Variants in GNA12 observed in about 807,000 individuals in gnomAD.
GNA12 encodes G protein subunit alpha 12, also known as guanine nucleotide-binding protein subunit alpha-12.
Under a neutral mutation model 26.0 loss-of-function variants are expected in GNA12, and 9 were observed. That is an observed-to-expected ratio of 0.35 (90% confidence interval 0.21 to 0.60). The LOEUF (loss-of-function observed/expected upper bound fraction) is 0.60, where lower values mean the gene tolerates loss of function less well. Ranked by LOEUF, GNA12 falls within the 20% of genes least tolerant of loss-of-function variation. The pLI, the probability that GNA12 is intolerant of heterozygous loss-of-function variation, is 0.78. For synonymous variants in GNA12, 264 were observed against 219.6 expected, an observed-to-expected ratio of 1.20 and a Z score of -1.79; for missense variants, 405 against 525.8, an observed-to-expected ratio of 0.77 and a Z score of 2.25.
At chr7:2,749,578 G>A (rs933197998) in intron 2 of GNA12, among the ~76,000 whole-genome samples, 7 of 151,970 alleles carry the variant, frequency 4.6e-5, no homozygotes, top group Admixed American at 1.3e-4. Flanking sequence ...GAGTTAATGG[G>A]TGCAGCACAC....
In GNA12 at chr7:2,735,238, C is replaced by G. The variant is rs537122062; in HGVS notation, c.526-1737G>C. Among the ~76,000 whole-genome samples the G allele has an allele frequency of 2.6e-5, 4 of 152,368 alleles. No individual in the cohort carries two copies. The South Asian group carries it at 8.3e-4, about 32-fold the overall frequency. On this transcript the variant is annotated intron_variant, in intron 2 of 3. Coordinates refer to ENST00000275364, the MANE Select transcript of GNA12 (RefSeq NM_007353.3). Reference sequence around the variant, plus strand: ...CAAGAAGCATCAGCATACTGTCCCTCCCTCTCCTGTGGCCACGGGCTCCCC... The same window carrying G: ...CAAGAAGCATCAGCATACTGTCCCTGCCTCTCCTGTGGCCACGGGCTCCCC...
chr7:2,750,850 G>C (rs962505208), intron 2 of GNA12, among the ~76,000 whole-genome samples: 1 of 152,192 alleles, frequency 6.6e-6, no homozygotes. Flanking sequence ...AAGTTTTAGA[G>C]TTATCAGCTT....
chr7:2,773,620 C>T (rs1792003270), intron 2 of GNA12, among the ~76,000 whole-genome samples: 1 of 152,122 alleles, frequency 6.6e-6, no homozygotes, highest in African/African-American at 2.4e-5. Context: ...ACCAGAATGG[C>T]TATTTGAAAA....
chr7:2,831,126 T>C lies in GNA12; in HGVS notation c.309+12727A>G, dbSNP rs113396603. 7.6e-3 allele frequency among the ~76,000 whole-genome samples: 1,150 copies of C among 152,128 alleles called. 16 individuals carry two copies. The highest frequency in any genetic ancestry group is 0.026 in the African/African-American group (1,082 of 41,470). ...AGATGATTACTTTTCATGAGGCATC[T>C]GCTTTAACTAGTGCGTTCCAGCAGT... On this transcript the variant is annotated intron_variant, in intron 1 of 3. Coordinates refer to ENST00000275364, the MANE Select transcript of GNA12 (RefSeq NM_007353.3).
At chr7:2,784,093 T>G (rs781480304) in intron 2 of GNA12, among the ~76,000 whole-genome samples, 1 of 152,238 alleles carries the variant, frequency 6.6e-6, no homozygotes, top group Non-Finnish European at 1.5e-5. Context: ...TTATCTCATT[T>G]TATTTAATTT....
intron 2 of GNA12, among the ~76,000 whole-genome samples, chr7:2,741,076 T>A (rs895615512): frequency 3.3e-5 from 5 of 149,624 alleles, no homozygotes; most frequent in African/African-American, 1.2e-4. Flanking sequence ...AAACAAATAA[T>A]CAAACAAAAA....
intron 2 of GNA12, among the ~76,000 whole-genome samples, chr7:2,752,030 C>T (rs978968358): frequency 4.6e-5 from 7 of 152,202 alleles, no homozygotes; most frequent in East Asian, 3.9e-4. Context: ...GTACCCACAC[C>T]GACAAGATTA....
At chr7:2,761,681 T>C (rs913285787) in intron 2 of GNA12, among the ~76,000 whole-genome samples, 2 of 152,164 alleles carry the variant, frequency 1.3e-5, no homozygotes, top group African/African-American at 2.4e-5. Flanking sequence ...TTTGCAGCTA[T>C]TGGTTCTCCT....
At chr7:2,781,350 A>G (rs1792222910) in intron 2 of GNA12, among the ~76,000 whole-genome samples, 1 of 151,806 alleles carries the variant, frequency 6.6e-6, no homozygotes, top group Non-Finnish European at 1.5e-5. Flanking sequence ...ACACACACGC[A>G]CACGTTAAAT....
At chr7:2,769,276 C>G (rs1371724044) in intron 2 of GNA12, among the ~76,000 whole-genome samples, 2 of 152,168 alleles carry the variant, frequency 1.3e-5, no homozygotes, top group Admixed American at 6.5e-5. Context: ...AACAGCATCA[C>G]TGGCAGGTAT....
chr7:2,765,654 A>G (rs1207071766), intron 2 of GNA12, among the ~76,000 whole-genome samples: 6 of 149,124 alleles, frequency 4.0e-5, no homozygotes, highest in Admixed American at 3.3e-4. Context: ...CTTTTGAGAC[A>G]GAGTCTCACT....
chr7:2,808,839 G>T (rs1489554767), intron 1 of GNA12, among the ~76,000 whole-genome samples: 2 of 152,152 alleles, frequency 1.3e-5, no homozygotes, highest in African/African-American at 4.8e-5. Context: ...CACCCGCTTT[G>T]TTCAAAACCC....
intron 2 of GNA12, among the ~76,000 whole-genome samples, chr7:2,779,813 G>C (rs568737856): frequency 6.6e-6 from 1 of 151,804 alleles, no homozygotes; most frequent in Non-Finnish European, 1.5e-5. Flanking sequence ...GGCCAGGCTA[G>C]TCTCAAACTC....
chr7:2,760,823 G>A (rs1370144439), intron 2 of GNA12, among the ~76,000 whole-genome samples: 1 of 152,214 alleles, frequency 6.6e-6, no homozygotes, highest in East Asian at 1.9e-4. Context: ...CAAGTCACCA[G>A]AGGTTAGCTT....
At chr7:2,772,744 A>T (rs1161893169) in intron 2 of GNA12, among the ~76,000 whole-genome samples, 6 of 152,206 alleles carry the variant, frequency 3.9e-5, no homozygotes, top group African/African-American at 1.4e-4. Context: ...CAGTACGGCC[A>T]GTTTGGAGAA....
chr7:2,828,907 C>A (rs1223037448), intron 1 of GNA12, among the ~76,000 whole-genome samples: 4 of 152,054 alleles, frequency 2.6e-5, no homozygotes, highest in African/African-American at 7.2e-5. Flanking sequence ...TTTTTCTCTA[C>A]AAAAATTTTT....
In GNA12 at chr7:2,744,913, GT is replaced by G. The variant is rs1352204705; in HGVS notation, c.526-11413del. Among the ~76,000 whole-genome samples, 3 of 152,156 alleles carry G rather than the reference GT, an allele frequency of 2.0e-5. No homozygotes were observed. The East Asian group carries it at 5.8e-4, about 29-fold the overall frequency. On this transcript the variant is annotated intron_variant, in intron 2 of 3. Coordinates refer to ENST00000275364, the MANE Select transcript of GNA12 (RefSeq NM_007353.3). ...CCGATGCGATGAACTGGAAGAAAGG[GT>G]ATAAGTGATGGAAGACAAAATGAAT...
intron 1 of GNA12, among the ~76,000 whole-genome samples, chr7:2,803,068 G>C (rs957941494): frequency 1.3e-5 from 2 of 149,722 alleles, no homozygotes; most frequent in Non-Finnish European, 3.0e-5. Context: ...GCTCACCTCA[G>C]GCAATGAAAA....
rs146488205 is a variant in GNA12, at chr7:2,761,068, G to A, written c.526-27567C>T. Among the ~76,000 whole-genome samples the A allele has an allele frequency of 4.6e-4, 70 of 152,326 alleles. No homozygotes were observed. In the South Asian group the frequency reaches 0.01, roughly 23 times the overall value. The stretch of plus-strand genomic sequence containing the variant: ...ATGACATGTAAACGGAGTCAGGAAC[G>A]TAGCACGCATCTCATAGAAAGCATT... On this transcript the variant is annotated intron_variant, in intron 2 of 3. Coordinates refer to ENST00000275364, the MANE Select transcript of GNA12 (RefSeq NM_007353.3).
Sources: gnomAD v4.1 joint callset for allele counts (sites outside exome capture counted in the v4.1 genomes callset) on GRCh38, gnomAD v4.1.1 for gene constraint, MANE v1.5 for transcripts, NCBI Gene and HGNC (gene_info 2026-07-23, HGNC 2026-07-21) for gene names.